CADPS2: variants seen among roughly 807,000 people sequenced by gnomAD.
The protein encoded by CADPS2 is calcium-dependent secretion activator 2.
Under a neutral mutation model 172.5 loss-of-function variants are expected in CADPS2, and 93 were observed. The observed-to-expected ratio is 0.54, with a 90% CI of 0.46 to 0.64. The LOEUF is 0.64. Ranked by LOEUF, CADPS2 falls within the 30% of genes least tolerant of loss-of-function variation. CADPS2 has a pLI of 0.00. For missense variants in CADPS2, 1,420 were observed against 1,565.9 expected (o/e 0.91, Z 1.57); for synonymous variants, 546 against 555.2 (o/e 0.98, Z 0.23).
chr7:122,575,325 A>G (rs1305868436), intron 7 of CADPS2, among the ~76,000 whole-genome samples: 1 of 152,094 alleles, frequency 6.6e-6, no homozygotes, highest in Non-Finnish European at 1.5e-5. Flanking sequence ...GGAACTCTGA[A>G]TATTGACTGC....
intron 2 of CADPS2, among the ~76,000 whole-genome samples, chr7:122,684,393 A>T (rs2083406074): frequency 6.6e-6 from 1 of 152,126 alleles, no homozygotes; most frequent in Admixed American, 6.6e-5. Flanking sequence ...TTATTATAAA[A>T]ATGTTTAAAC....
chr7:122,569,628 A>G, intron 7 of CADPS2, among the ~76,000 whole-genome samples: 1 of 133,426 alleles, frequency 7.5e-6, no homozygotes, highest in African/African-American at 3.3e-5. Flanking sequence ...CTGACTTCAA[A>G]CTATACTACA....
At chr7:122,552,392 T>C (rs2064411169) in intron 8 of CADPS2, among the ~76,000 whole-genome samples, 1 of 152,156 alleles carries the variant, frequency 6.6e-6, no homozygotes, top group East Asian at 1.9e-4. Context: ...TTCAGTGAGT[T>C]CCTGAGCTTT....
chr7:122,708,008 G>A (rs1190718279), intron 2 of CADPS2, among the ~76,000 whole-genome samples: 2 of 151,572 alleles, frequency 1.3e-5, no homozygotes, highest in Non-Finnish European at 2.9e-5. Flanking sequence ...ATGCTGTAAG[G>A]TACACATATA....
chr7:122,566,952 C>G (rs183955340), intron 7 of CADPS2, among the ~76,000 whole-genome samples: 32 of 152,270 alleles, frequency 2.1e-4, no homozygotes, highest in African/African-American at 7.7e-4. Flanking sequence ...ATGTCCATGG[C>G]CTTACCCTCA....
intron 1 of CADPS2, chr7:122,850,197 C>A: frequency 1.8e-6 from 2 of 1,108,874 alleles, no homozygotes; most frequent in South Asian, 2.6e-5. Context: ...ATAGAGTACC[C>A]TGAGGCTATA....
At chr7:122,378,898 T>A (rs549018385) in intron 25 of CADPS2, 2 of 154,726 alleles carry the variant, frequency 1.3e-5, no homozygotes, top group African/African-American at 4.8e-5. Flanking sequence ...TCATCAAAGG[T>A]ATTTTGAGCA....
chr7:122,438,608 C>T, intron 16 of CADPS2, 144 bp from the exon 17 acceptor site: 1 of 899,222 alleles, frequency 1.1e-6, no homozygotes, highest in South Asian at 1.7e-5. Context: ...GAGAGGGGTC[C>T]TAGGTAACCT....
chr7:122,369,392 A>G (rs2041469429), intron 25 of CADPS2, among the ~76,000 whole-genome samples: 1 of 151,736 alleles, frequency 6.6e-6, no homozygotes, highest in South Asian at 2.1e-4. Flanking sequence ...CAGCCTCCCA[A>G]AGTGCTGGGA....
intron 1 of CADPS2, among the ~76,000 whole-genome samples, chr7:122,827,149 T>C (rs1016211573): frequency 6.6e-6 from 1 of 152,090 alleles, no homozygotes; most frequent in Non-Finnish European, 1.5e-5. Context: ...TATGAACAAC[T>C]TGATGCTCAA....
chr7:122,790,836 G>C (rs1795145328), intron 1 of CADPS2, among the ~76,000 whole-genome samples: 1 of 152,142 alleles, frequency 6.6e-6, no homozygotes, highest in Non-Finnish European at 1.5e-5. Context: ...CCAAGCTGCT[G>C]TACAGCCAAG....
At chr7:122,734,719 TA>T in intron 2 of CADPS2, among the ~76,000 whole-genome samples, 1 of 152,152 alleles carries the variant, frequency 6.6e-6, no homozygotes, top group African/African-American at 2.4e-5. Flanking sequence ...TTTTTCCAAC[TA>T]AATTTATTTA....
intron 2 of CADPS2, chr7:122,698,246 G>A (rs150520039): frequency 2.1e-4 from 335 of 1,613,566 alleles, no homozygotes; most frequent in Non-Finnish European, 2.6e-4. Flanking sequence ...GTTGTTAATC[G>A]CTGCCATCTC....
chr7:122,813,225 C>T (rs1332857527), intron 1 of CADPS2, among the ~76,000 whole-genome samples: 3 of 152,098 alleles, frequency 2.0e-5, no homozygotes, highest in Non-Finnish European at 4.4e-5. Context: ...AGAAGTAAGT[C>T]AATACCTACA....
intron 6 of CADPS2, among the ~76,000 whole-genome samples, chr7:122,588,769 A>C (rs1216349787): frequency 6.6e-6 from 1 of 151,854 alleles, no homozygotes; most frequent in East Asian, 1.9e-4. Flanking sequence ...GGATTCACTC[A>C]ATTCATGAAA....
At chr7:122,736,266 T>C (rs954356897) in intron 2 of CADPS2, among the ~76,000 whole-genome samples, 1 of 152,208 alleles carries the variant, frequency 6.6e-6, no homozygotes, top group Admixed American at 6.5e-5. Context: ...TAGTCTAATA[T>C]ATATTCGCAT....
chr7:122,590,891 ACTC>A (rs2070690624), intron 6 of CADPS2, among the ~76,000 whole-genome samples: 4 of 151,840 alleles, frequency 2.6e-5, no homozygotes, highest in African/African-American at 9.7e-5. Flanking sequence ...CAAGTTTTAA[ACTC>A]CTTTTATTTA....
intron 2 of CADPS2, among the ~76,000 whole-genome samples, chr7:122,695,170 T>C (rs141342371): frequency 6.6e-6 from 1 of 152,366 alleles, no homozygotes; most frequent in African/African-American, 2.4e-5. Flanking sequence ...ACTGTATAGA[T>C]GGAGTGAGTC....
intron 27 of CADPS2, 139 bp downstream of exon 27, chr7:122,360,649 T>C (rs2040004008): frequency 1.4e-6 from 1 of 707,998 alleles, no homozygotes; most frequent in African/African-American, 1.8e-5. Flanking sequence ...GTTATGAAGG[T>C]TAGTGCTTGC....
Sources: gnomAD v4.1 joint callset for allele counts (sites outside exome capture counted in the v4.1 genomes callset) on GRCh38, gnomAD v4.1.1 for gene constraint, MANE v1.5 for transcripts, NCBI Gene and HGNC (gene_info 2026-07-23, HGNC 2026-07-21) for gene names.